CSAD: variants seen among roughly 807,000 people sequenced by gnomAD.
CSAD encodes P-selectin cytoplasmic tail-associated protein.
Under a neutral mutation model 61.5 loss-of-function variants are expected in CSAD, and 47 were observed. The observed-to-expected ratio is 0.76, with a 90% CI of 0.60 to 0.97. The LOEUF (loss-of-function observed/expected upper bound fraction) is 0.97. CSAD is among the 50% of genes least tolerant of loss of function. The probability of loss-of-function intolerance (pLI) is 0.00; values close to 1 mark genes in which losing one functional copy is unlikely to be tolerated. For synonymous variants in CSAD, 245 were observed against 252.7 expected (o/e 0.97, Z 0.29); for missense variants, 611 against 643.6 (o/e 0.95, Z 0.55).
At chr12:53,180,561 A>G in intron 1 of CSAD, 171 bp downstream of exon 1, 1 of 1,279,398 alleles carries the variant, frequency 7.8e-7, no homozygotes, top group African/African-American at 1.6e-5. Flanking sequence ...GGCGCCGCCC[A>G]CTCACCCAGC....
intron 8 of CSAD, chr12:53,171,017 G>A (rs983958463): frequency 1.7e-5 from 9 of 524,816 alleles, no homozygotes; most frequent in East Asian, 4.3e-5. Context: ...CACCGTGCCC[G>A]GCCAGATTCT....
intron 2 of CSAD, among the ~76,000 whole-genome samples, chr12:53,176,267 G>A (rs912330866): frequency 3.3e-5 from 5 of 151,884 alleles, no homozygotes; most frequent in African/African-American, 4.8e-5. Context: ...AAAATTAGCC[G>A]GGTGTGGTGG....
chr12:53,172,579 A>T lies in CSAD; in HGVS notation c.196T>A (p.Ser66Thr). The T allele has an allele frequency of 1.2e-6, 2 of 1,612,294 alleles. No homozygotes were observed. The highest frequency in any genetic ancestry group is 1.7e-6 in the Non-Finnish European group (2 of 1,179,456). ...LDLELRSQGESQKQILERCRA... is the reference protein window; with the variant it reads ...LDLELRSQGETQKQILERCRA... ...CACCGCTCCAGGATCTGCTTCTGTG[A>T]CTCGCCCTGGCTCCGCAGCTCCAAA... The change falls in exon 5 of 17, where the codon TCA becomes ACA. Residue 66 changes from serine to threonine, a missense_variant. Physicochemically the swap from Ser to Thr is moderately conservative, Grantham distance 58. Coordinates refer to ENST00000444623, the MANE Select transcript of CSAD (RefSeq NM_001244705.2).
In CSAD at chr12:53,160,294, G is replaced by T. The variant is rs754060682; in HGVS notation, c.992C>A (p.Ser331Tyr). The change falls in exon 14 of 17, where the codon TCC becomes TAC. Residue 331 changes from serine (S) to tyrosine (Y), a missense_variant. Physicochemically the swap from Ser to Tyr is moderately radical, Grantham distance 144. Coordinates refer to ENST00000444623, the MANE Select transcript of CSAD (RefSeq NM_001244705.2). Reference protein sequence around the residue: ...TSNLLKRCHGSQASYLFQQDK... With the variant: ...TSNLLKRCHGYQASYLFQQDK... ...CTGCTGGAAAAGGTAGCTGGCCTGG[G>T]ACCCATGGCAGCGCTTGAGCAGGTT... 2 of 1,614,196 alleles carry T rather than the reference G, an allele frequency of 1.2e-6. No homozygotes were observed. The highest frequency in any genetic ancestry group is 2.2e-5 in the South Asian group (2 of 91,092).
intron 16 of CSAD, 71 bp from the exon 17 acceptor site, chr12:53,158,755 G>A (rs1938876772): frequency 6.8e-7 from 1 of 1,473,048 alleles, no homozygotes; most frequent in Non-Finnish European, 9.3e-7. Flanking sequence ...TTCTTGTCCT[G>A]CCAGGCTTCC....
At chr12:53,180,280 C>A (rs1941472124) in intron 1 of CSAD, 1 of 985,294 alleles carries the variant, frequency 1.0e-6, no homozygotes, top group Admixed American at 6.1e-5. Flanking sequence ...GGCCGAGTTA[C>A]GTGAAAAGGC....
At chr12:53,160,387 G>A in intron 13 of CSAD, 68 bp from the exon 14 acceptor site, 1 of 1,486,606 alleles carries the variant, frequency 6.7e-7, no homozygotes, top group South Asian at 1.1e-5. Context: ...GGGCTGCACT[G>A]TGGGGGTCTT....
At chr12:53,178,379 C>A (rs1250590502) in intron 2 of CSAD, 1 of 455,958 alleles carries the variant, frequency 2.2e-6, no homozygotes, top group Non-Finnish European at 4.4e-6. Context: ...GTAGTCCCAA[C>A]TACTTGGGAG....
At chr12:53,161,252 C>A in intron 11 of CSAD, 21 bp downstream of exon 11, 2 of 1,613,890 alleles carry the variant, frequency 1.2e-6, no homozygotes, top group Non-Finnish European at 1.7e-6. Flanking sequence ...CACCGCACCC[C>A]CAAGCCGAAG....
At chr12:53,164,203 TA>T (rs1939623373) in intron 10 of CSAD, among the ~76,000 whole-genome samples, 1 of 152,036 alleles carries the variant, frequency 6.6e-6, no homozygotes, top group Non-Finnish European at 1.5e-5. Flanking sequence ...AGGTTAAATA[TA>T]ACACCAAAAG....
intron 1 of CSAD, among the ~76,000 whole-genome samples, chr12:53,179,458 A>G (rs1365226085): frequency 6.6e-6 from 1 of 152,190 alleles, no homozygotes; most frequent in East Asian, 1.9e-4. Context: ...GAGAATAACC[A>G]TTTTGTGTCT....
At chr12:53,174,048 T>C (rs1041997766) in intron 2 of CSAD, 2 of 401,418 alleles carry the variant, frequency 5.0e-6, no homozygotes, top group Non-Finnish European at 9.3e-6. Context: ...GTCACGCCTG[T>C]AATCCCAGCA....
intron 10 of CSAD, among the ~76,000 whole-genome samples, chr12:53,161,597 T>C (rs184262203): frequency 1.3e-5 from 2 of 151,960 alleles, no homozygotes; most frequent in Admixed American, 1.3e-4. Flanking sequence ...ACTTCGAACC[T>C]AGGTTTTCAT....
intron 2 of CSAD, 61 bp from the exon 3 acceptor site, chr12:53,173,831 T>C: frequency 6.4e-7 from 1 of 1,553,030 alleles, no homozygotes; most frequent in Non-Finnish European, 8.8e-7. Flanking sequence ...AATTAAGTGT[T>C]TTTTTCATAA....
At position 53,172,581 on chromosome 12, in the gene CSAD, T is replaced by A. The variant is rs1470164856; in HGVS notation, c.194A>T (p.Glu65Val). ...LLDLELRSQGESQKQILERCR... is the reference protein window; with the variant it reads ...LLDLELRSQGVSQKQILERCR... ...CCGCTCCAGGATCTGCTTCTGTGACTCGCCCTGGCTCCGCAGCTCCAAATC... is the reference window on the plus strand; with the variant it reads ...CCGCTCCAGGATCTGCTTCTGTGACACGCCCTGGCTCCGCAGCTCCAAATC... The change falls in exon 5 of 17, where the codon GAG (glutamate) becomes GTG (valine). Residue 65 changes from glutamate (E) to valine (V), a missense_variant. Glu to Val is a moderately radical substitution (Grantham distance 121). Transcript: ENST00000444623. 2.5e-6 allele frequency: 4 copies of A among 1,612,658 alleles called. No homozygotes were observed. The highest frequency in any genetic ancestry group is 2.5e-6 in the Non-Finnish European group (3 of 1,179,486).
In CSAD at chr12:53,173,499, C is replaced by G. The variant is rs775224905; in HGVS notation, c.-6-23G>C. The stretch of plus-strand genomic sequence containing the variant: ...GATCTGTGGCAGAGCAGAGTCATTC[C>G]CTACTCAGCCTGTCAACCCTTCCCG... On this transcript the variant is annotated intron_variant, in intron 3 of 16. Coordinates refer to ENST00000444623, the MANE Select transcript of CSAD (RefSeq NM_001244705.2). 37 of 1,614,098 alleles carry G rather than the reference C, an allele frequency of 2.3e-5. No homozygotes were observed. The South Asian group carries it at 3.1e-4, about 13-fold the overall frequency.
chr12:53,177,213 T>A (rs947501009), intron 2 of CSAD, among the ~76,000 whole-genome samples: 1 of 152,204 alleles, frequency 6.6e-6, no homozygotes, highest in Non-Finnish European at 1.5e-5. Flanking sequence ...ATATATGAAA[T>A]CAAGGAGGCT....
At chr12:53,179,552 GTTTC>G (rs1476037013) in intron 1 of CSAD, 21 of 506,360 alleles carry the variant, frequency 4.1e-5, no homozygotes, top group East Asian at 6.6e-5. Context: ...TCCTGGTGAT[GTTTC>G]TTTATCTCTC....
In CSAD at chr12:53,169,486, A is replaced by T. The variant is rs994044440; in HGVS notation, c.702+586T>A. The stretch of plus-strand genomic sequence containing the variant: ...AGGAGTGAAACTCCATCTCAAAAAA[A>T]AAAAAAAAATTTTTACATTTATATT... On this transcript the variant is annotated intron_variant, in intron 10 of 16. Coordinates refer to ENST00000444623, the MANE Select transcript of CSAD (RefSeq NM_001244705.2). Among the ~76,000 whole-genome samples, 104 of 151,506 alleles carry T rather than the reference A, an allele frequency of 6.9e-4. 1 individual carries two copies. The highest frequency in any genetic ancestry group is 1.1e-3 in the Non-Finnish European group (76 of 67,886).
Sources: gnomAD v4.1 joint callset for allele counts (sites outside exome capture counted in the v4.1 genomes callset) on GRCh38, gnomAD v4.1.1 for gene constraint, MANE v1.5 for transcripts, NCBI Gene and HGNC (gene_info 2026-07-23, HGNC 2026-07-21) for gene names.